CLMN: variants seen among roughly 807,000 people sequenced by gnomAD.
The protein encoded by CLMN is calmin, also known as calmin (calponin-like, transmembrane).
Under a neutral mutation model 92.7 loss-of-function variants are expected in CLMN, and 57 were observed. That is an observed-to-expected ratio of 0.61 (90% CI 0.50 to 0.77). CLMN has a LOEUF of 0.77. Among genes scored for constraint, CLMN ranks in the 30% least tolerant of loss-of-function variants. The pLI, the probability that CLMN is intolerant of heterozygous loss-of-function variation, is 0.00. For synonymous variants in CLMN, 466 were observed against 470.6 expected (o/e 0.99, Z 0.13); for missense variants, 1,158 against 1,237.5 (o/e 0.94, Z 0.96).
intron 1 of CLMN, among the ~76,000 whole-genome samples, chr14:95,235,454 G>A (rs2140643602): frequency 6.6e-6 from 1 of 152,304 alleles, no homozygotes; most frequent in Non-Finnish European, 1.5e-5. Flanking sequence ...GCCTGGCATA[G>A]GACAAAGACC....
intron 4 of CLMN, among the ~76,000 whole-genome samples, chr14:95,218,610 C>T (rs181216107): frequency 6.6e-6 from 1 of 152,282 alleles, no homozygotes; most frequent in East Asian, 1.9e-4. Flanking sequence ...CCAGCGAGGG[C>T]CCACTGAGTA....
chr14:95,289,760 C>T (rs1450988653), intron 1 of CLMN, among the ~76,000 whole-genome samples: 3 of 152,226 alleles, frequency 2.0e-5, no homozygotes, highest in South Asian at 4.2e-4. Flanking sequence ...CTCTCTGTTC[C>T]CTTTTATGCC....
rs753829579 is a variant in CLMN at position 95,196,588 on chromosome 14, T to C, written c.2618A>G (p.His873Arg). Residue 873 changes from histidine to arginine, a missense_variant, in exon 10 of 13, where the codon CAC becomes CGC. By Grantham distance (29) the His-to-Arg change is conservative (BLOSUM62 0). Coordinates refer to ENST00000298912, the MANE Select transcript of CLMN (RefSeq NM_024734.4). ...TGCTACAAATAGTGAACTTTCTACG[T>C]GGTCCACATGTTTCCTTTTTTCCTT... The part of the protein sequence containing the change: ...KKKEKRKHVD[H>R]VESSLFVAPG... 1 of 1,614,238 alleles carries C rather than the reference T, an allele frequency of 6.2e-7. No homozygotes were observed. Among genetic ancestry groups the C allele is most frequent in the South Asian group, 1.1e-5 (1 of 91,086 alleles).
intron 1 of CLMN, among the ~76,000 whole-genome samples, chr14:95,275,647 G>A (rs1269786706): frequency 6.6e-6 from 1 of 152,130 alleles, no homozygotes; most frequent in Non-Finnish European, 1.5e-5. Context: ...CTGCCTATTG[G>A]AGTAGCCATT....
intron 1 of CLMN, among the ~76,000 whole-genome samples, chr14:95,278,372 A>C (rs570543664): frequency 6.6e-6 from 1 of 152,268 alleles, no homozygotes; most frequent in East Asian, 1.9e-4. Flanking sequence ...TATTTTTCTG[A>C]AAAAGTTTTT....
At chr14:95,308,429 T>C (rs750877127) in intron 1 of CLMN, among the ~76,000 whole-genome samples, 17 of 152,178 alleles carry the variant, frequency 1.1e-4, no homozygotes, top group Non-Finnish European at 2.1e-4. Context: ...TGTCCCCACA[T>C]TCAAATCTCA....
chr14:95,305,391 T>C (rs75032153), intron 1 of CLMN, among the ~76,000 whole-genome samples: 6,927 of 152,240 alleles, frequency 0.046, 209 homozygotes, highest in Non-Finnish European at 0.069. Flanking sequence ...TCAGCACGTA[T>C]GAGAAGATGA....
intron 7 of CLMN, 68 bp from the exon 8 acceptor site, chr14:95,209,545 G>A: frequency 8.2e-7 from 1 of 1,224,212 alleles, no homozygotes; most frequent in Non-Finnish European, 1.2e-6. Context: ...ATTCCCGGAT[G>A]CCTGATGGTG....
chr14:95,186,060 T>C lies in CLMN; in HGVS notation c.*5504A>G, dbSNP rs975566725. On this transcript the variant is annotated 3_prime_UTR_variant, in exon 13 of 13. Transcript: ENST00000298912. Reference sequence around the variant, plus strand: ...AGGTTAGCTTCAGCAGCTGAGGCTGTGGTTTTGTAGTAAACTTAACTGGGA... The same window carrying C: ...AGGTTAGCTTCAGCAGCTGAGGCTGCGGTTTTGTAGTAAACTTAACTGGGA... 3.3e-5 allele frequency: 5 copies of C among 152,382 alleles called. No individual in the cohort carries two copies. The highest frequency in any genetic ancestry group is 1.2e-4 in the African/African-American group (5 of 41,588). The allele number at this position is 152,382 out of a possible 1,614,324, so 9.4% of individuals were successfully genotyped here. A position where few individuals can be genotyped will look rare whatever the true frequency, so the allele number is the denominator to read the frequency against.
intron 1 of CLMN, among the ~76,000 whole-genome samples, chr14:95,252,219 GC>G (rs1287260893): frequency 1.3e-5 from 2 of 152,194 alleles, no homozygotes; most frequent in Admixed American, 1.3e-4. Context: ...GGGGTCAAGT[GC>G]AGGCCCTCAG....
Position 95,303,996 on chromosome 14 carries a change from G to C in CLMN, c.82+15715C>G, listed in dbSNP as rs558830101. Among the ~76,000 whole-genome samples the C allele has an allele frequency of 1.2e-4, 18 of 152,320 alleles. No homozygotes were observed. The East Asian group carries it at 3.3e-3, about 28-fold the overall frequency. Reference sequence around the variant, plus strand: ...AGGGGAGACAGCAATACAATTCTAGGTGGTAGCAAGAAGGACCAGTGGTCA... The same window carrying C: ...AGGGGAGACAGCAATACAATTCTAGCTGGTAGCAAGAAGGACCAGTGGTCA... On this transcript the variant is annotated intron_variant, in intron 1 of 12. Coordinates refer to ENST00000298912, the MANE Select transcript of CLMN (RefSeq NM_024734.4).
At chr14:95,241,993 C>T (rs541356779) in intron 1 of CLMN, among the ~76,000 whole-genome samples, 1 of 152,248 alleles carries the variant, frequency 6.6e-6, no homozygotes, top group East Asian at 1.9e-4. Context: ...GCTCAGACCT[C>T]AAGAACCAGA....
At position 95,193,507 on chromosome 14, in the gene CLMN, C is replaced by T. The variant is rs1324785943; in HGVS notation, c.2840+342G>A. 1.1e-5 allele frequency: 9 copies of T among 825,136 alleles called. No homozygotes were observed. In the African/African-American group the frequency reaches 1.2e-4, roughly 11 times the overall value. The allele number at this position is 825,136 out of a possible 1,614,324, so 51.1% of individuals were successfully genotyped here. On this transcript the variant is annotated intron_variant, in intron 12 of 12. Coordinates refer to ENST00000298912, the MANE Select transcript of CLMN (RefSeq NM_024734.4). ...ACAAGACCACCACCTCTTCTCCTGC[C>T]TGGCCGTCCCTTTGCTAACTACCCT...
At chr14:95,277,720 C>G (rs1899989545) in intron 1 of CLMN, among the ~76,000 whole-genome samples, 1 of 152,196 alleles carries the variant, frequency 6.6e-6, no homozygotes, top group African/African-American at 2.4e-5. Flanking sequence ...CTCTGCCTCC[C>G]AGGTTCAAGC....
chr14:95,212,337 A>G (rs1897222331), intron 6 of CLMN, among the ~76,000 whole-genome samples: 1 of 152,174 alleles, frequency 6.6e-6, no homozygotes, highest in African/African-American at 2.4e-5. Context: ...TACGCTGAGG[A>G]GCTGGGGCGG....
At chr14:95,257,581 G>T (rs1899051073) in intron 1 of CLMN, among the ~76,000 whole-genome samples, 2 of 152,260 alleles carry the variant, frequency 1.3e-5, no homozygotes, top group African/African-American at 4.8e-5. Flanking sequence ...GTGGGCTAAA[G>T]GTGCTCAGGC....
chr14:95,214,718 T>G (rs1831222212), intron 5 of CLMN, among the ~76,000 whole-genome samples: 1 of 151,806 alleles, frequency 6.6e-6, no homozygotes, highest in Non-Finnish European at 1.5e-5. Flanking sequence ...ACATGGAAAC[T>G]GAGGCTCTGA....
Position 95,281,267 on chromosome 14 carries a change from G to A in CLMN, c.82+38444C>T, listed in dbSNP as rs116237774. Among the ~76,000 whole-genome samples, 257 of 152,228 alleles carry A rather than the reference G, an allele frequency of 1.7e-3. 2 individuals are homozygous for A. The highest frequency in any genetic ancestry group is 4.9e-3 in the African/African-American group (204 of 41,526). Reference sequence around the variant, plus strand: ...GCTTTAAAAAGTCTAAGCTGTCACCGCTTATGGTTCCAGCAAAGCCAATTT... The same window carrying A: ...GCTTTAAAAAGTCTAAGCTGTCACCACTTATGGTTCCAGCAAAGCCAATTT... On this transcript the variant is annotated intron_variant, in intron 1 of 12. Transcript: ENST00000298912.
At chr14:95,226,459 G>A (rs1390765136) in intron 2 of CLMN, among the ~76,000 whole-genome samples, 3 of 151,976 alleles carry the variant, frequency 2.0e-5, no homozygotes, top group Admixed American at 6.6e-5. Flanking sequence ...CTACATTTAC[G>A]GTTCTAGGTA....
Sources: allele counts gnomAD v4.1 joint callset (sites outside exome capture counted in the v4.1 genomes callset), GRCh38; gene constraint gnomAD v4.1.1; transcripts MANE v1.5; gene names NCBI Gene and HGNC (gene_info 2026-07-23, HGNC 2026-07-21).